SPAG16: variants seen among roughly 807,000 people sequenced by gnomAD.
SPAG16 encodes the protein sperm-associated antigen 16 protein.
Under a neutral mutation model 80.4 loss-of-function variants are expected in SPAG16, and 86 were observed. That is an observed-to-expected ratio of 1.07 (90% CI 0.90 to 1.28). The LOEUF (loss-of-function observed/expected upper bound fraction) is 1.28, where lower values mean the gene tolerates loss of function less well. SPAG16 is among the 50% of genes most tolerant of loss of function. SPAG16 has a pLI of 0.00. For missense variants in SPAG16, 870 were observed against 765.3 expected (o/e 1.14, Z -1.61); for synonymous variants, 294 against 265.9 (o/e 1.11, Z -1.03).
Position 213,330,548 on chromosome 2 carries a change from A to G in SPAG16, c.537-9615A>G, listed in dbSNP as rs1288295297. ...TACCCAATGCCTGTAGCCCCGTTGT[A>G]TCTAGGAAGTAACTAACTTGCTTTT... On this transcript the variant is annotated intron_variant, in intron 5 of 15. Coordinates refer to ENST00000331683, the MANE Select transcript of SPAG16 (RefSeq NM_024532.5). Among the ~76,000 whole-genome samples the G allele has an allele frequency of 2.0e-5, 3 of 152,186 alleles. No homozygotes were observed. In the East Asian group the frequency reaches 5.8e-4, roughly 29 times the overall value.
At chr2:213,575,599 A>G (rs951077781) in intron 10 of SPAG16, among the ~76,000 whole-genome samples, 3 of 152,178 alleles carry the variant, frequency 2.0e-5, no homozygotes, top group African/African-American at 7.2e-5. Context: ...GTTGTTTAAT[A>G]AAGACATTGA....
chr2:213,833,370 T>C (rs1404651570), intron 10 of SPAG16, among the ~76,000 whole-genome samples: 4 of 126,464 alleles, frequency 3.2e-5, no homozygotes, highest in Non-Finnish European at 4.8e-5. Flanking sequence ...TACCTACAAG[T>C]GGAGAGCAGA....
At chr2:213,989,916 A>G (rs867672499) in intron 12 of SPAG16, among the ~76,000 whole-genome samples, 66 of 152,264 alleles carry the variant, frequency 4.3e-4, no homozygotes, top group Non-Finnish European at 8.2e-4. Context: ...TCATAGCAGT[A>G]TATAGTGTTC....
At chr2:213,686,571 G>A (rs1574810843) in intron 10 of SPAG16, among the ~76,000 whole-genome samples, 1 of 151,464 alleles carries the variant, frequency 6.6e-6, no homozygotes, top group Non-Finnish European at 1.5e-5. Flanking sequence ...CAAATAATTG[G>A]ATTTTACTTT....
At chr2:213,579,141 G>C (rs533877012) in intron 10 of SPAG16, among the ~76,000 whole-genome samples, 2 of 151,978 alleles carry the variant, frequency 1.3e-5, no homozygotes, top group Non-Finnish European at 2.9e-5. Flanking sequence ...TATCCCTGTA[G>C]ATCATTTTCA....
chr2:213,414,386 T>G (rs1437227607), intron 9 of SPAG16, among the ~76,000 whole-genome samples: 1 of 152,208 alleles, frequency 6.6e-6, no homozygotes, highest in African/African-American at 2.4e-5. Flanking sequence ...AATTAGACAT[T>G]TTTTACTGTA....
At chr2:214,366,765 T>C (rs1378637522) in intron 15 of SPAG16, among the ~76,000 whole-genome samples, 1 of 152,050 alleles carries the variant, frequency 6.6e-6, no homozygotes, top group Admixed American at 6.6e-5. Context: ...GAGAAAGTAA[T>C]GGAATTAAAT....
At chr2:214,104,007 C>A (rs1395309069) in intron 13 of SPAG16, among the ~76,000 whole-genome samples, 2 of 151,976 alleles carry the variant, frequency 1.3e-5, no homozygotes, top group East Asian at 3.9e-4. Context: ...GAAACCTTTG[C>A]TCTGAAATCT....
chr2:214,088,703 A>C (rs2051954144), intron 13 of SPAG16, among the ~76,000 whole-genome samples: 1 of 152,098 alleles, frequency 6.6e-6, no homozygotes, highest in African/African-American at 2.4e-5. Flanking sequence ...CCCTGGGGAA[A>C]AAAATTGAAA....
intron 9 of SPAG16, among the ~76,000 whole-genome samples, chr2:213,392,427 T>G (rs1419350678): frequency 2.6e-5 from 4 of 152,228 alleles, no homozygotes; most frequent in Admixed American, 2.6e-4. Context: ...GTTAAATAAT[T>G]TTATTTATCA....
intron 10 of SPAG16, among the ~76,000 whole-genome samples, chr2:213,663,071 A>G (rs1315423341): frequency 6.6e-6 from 1 of 152,112 alleles, no homozygotes; most frequent in Non-Finnish European, 1.5e-5. Flanking sequence ...TTTTCAGGTT[A>G]ATTTCTGTAC....
In SPAG16 at chr2:213,284,569, C is replaced by T. The variant is rs762257253; in HGVS notation, c.86C>T (p.Ala29Val). ...ATGGGTTTGACGGCAGCCGGGGACGCGAGGGACACGGCGGACGCGGTGGCG... is the reference window on the plus strand; with the variant it reads ...ATGGGTTTGACGGCAGCCGGGGACGTGAGGGACACGGCGGACGCGGTGGCG... ...LGMGLTAAGD[A>V]RDTADAVAAE... The change falls in exon 1 of 16, where the codon GCG (alanine) becomes GTG (valine). Residue 29 changes from alanine to valine, a missense_variant. Coordinates refer to ENST00000331683, the MANE Select transcript of SPAG16 (RefSeq NM_024532.5). 27 of 1,609,266 alleles carry T rather than the reference C, an allele frequency of 1.7e-5. No individual in the cohort carries two copies. Among genetic ancestry groups the T allele is most frequent in the Admixed American group, 5.0e-5 (3 of 59,564 alleles).
intron 11 of SPAG16, among the ~76,000 whole-genome samples, chr2:213,903,405 C>T (rs1278239924): frequency 6.6e-6 from 1 of 152,200 alleles, no homozygotes; most frequent in Non-Finnish European, 1.5e-5. Context: ...CACAGCTCAA[C>T]ACCACATGGA....
intron 10 of SPAG16, among the ~76,000 whole-genome samples, chr2:213,585,951 A>G (rs2060457671): frequency 6.6e-6 from 1 of 151,958 alleles, no homozygotes; most frequent in Admixed American, 6.6e-5. Context: ...TTTTTTCCAA[A>G]TGAAAGCATT....
At chr2:213,928,707 A>G (rs970115838) in intron 11 of SPAG16, among the ~76,000 whole-genome samples, 2 of 152,220 alleles carry the variant, frequency 1.3e-5, no homozygotes, top group African/African-American at 4.8e-5. Context: ...TTGGTCAGTC[A>G]TGAGGCTTGG....
intron 12 of SPAG16, among the ~76,000 whole-genome samples, chr2:213,979,676 C>T (rs1021395047): frequency 8.6e-5 from 13 of 152,038 alleles, no homozygotes; most frequent in African/African-American, 3.1e-4. Context: ...TCCCTTGACA[C>T]GTGGGGATAA....
At chr2:213,737,312 G>C (rs2125443495) in intron 10 of SPAG16, among the ~76,000 whole-genome samples, 1 of 152,184 alleles carries the variant, frequency 6.6e-6, no homozygotes, top group East Asian at 1.9e-4. Context: ...CGTGTTTGCA[G>C]TTATAGCATA....
At chr2:213,515,354 T>C (rs754990628) in intron 10 of SPAG16, among the ~76,000 whole-genome samples, 2 of 152,162 alleles carry the variant, frequency 1.3e-5, no homozygotes, top group Non-Finnish European at 2.9e-5. Context: ...GGAAGTCACA[T>C]TGATGACTTC....
chr2:214,133,724 T>G (rs1273753338), intron 14 of SPAG16, among the ~76,000 whole-genome samples: 1 of 152,084 alleles, frequency 6.6e-6, no homozygotes, highest in Non-Finnish European at 1.5e-5. Context: ...AGTGAGGAAG[T>G]TCACTGCATG....
Sources: allele counts gnomAD v4.1 joint callset (sites outside exome capture counted in the v4.1 genomes callset), GRCh38; gene constraint gnomAD v4.1.1; transcripts MANE v1.5; gene names NCBI Gene and HGNC (gene_info 2026-07-23, HGNC 2026-07-21).